ADAM19: variants seen among roughly 807,000 people sequenced by gnomAD.
ADAM19 encodes the protein ADAM metallopeptidase domain 19.
Under a neutral mutation model 114.7 loss-of-function variants are expected in ADAM19, and 65 were observed. That is an observed-to-expected ratio of 0.57 (90% CI 0.46 to 0.70). The LOEUF (loss-of-function observed/expected upper bound fraction) is 0.70. Among genes scored for constraint, ADAM19 ranks in the 30% least tolerant of loss-of-function variants. The probability of loss-of-function intolerance (pLI) is 0.00; values close to 1 mark genes in which losing one functional copy is unlikely to be tolerated. For missense variants in ADAM19, 1,063 were observed against 1,204.7 expected, an observed-to-expected ratio of 0.88 and a Z score of 1.74; for synonymous variants, 466 against 460.5, an observed-to-expected ratio of 1.01 and a Z score of -0.15.
Position 157,479,978 on chromosome 5 carries a change from A to G in ADAM19, c.*971T>C, listed in dbSNP as rs3822585. ...CATATGACCCCAATGGCCATGCCCC[A>G]AGTCTACTCTGGTCACACTCCTGAG... On this transcript the variant is annotated 3_prime_UTR_variant, in exon 23 of 23. Coordinates refer to ENST00000257527, the MANE Select transcript of ADAM19 (RefSeq NM_033274.5). The G allele has an allele frequency of 0.46, 454,812 of 985,522 alleles. 105,780 individuals are homozygous for G. The highest frequency in any genetic ancestry group is 0.73 in the East Asian group (6,450 of 8,786). 61.0% of individuals were successfully genotyped at this position (985,522 alleles called of 1,614,324 possible). A position where few individuals can be genotyped will look rare whatever the true frequency, so the allele number is the denominator to read the frequency against.
At chr5:157,546,429 A>G (rs1255173095) in intron 3 of ADAM19, among the ~76,000 whole-genome samples, 5 of 152,186 alleles carry the variant, frequency 3.3e-5, no homozygotes, top group African/African-American at 1.2e-4. Flanking sequence ...CCATATTCCT[A>G]TCACCATATC....
chr5:157,477,909 GT>G lies in ADAM19; in HGVS notation c.*3039del. On this transcript the variant is annotated 3_prime_UTR_variant, in exon 23 of 23. Transcript: ENST00000257527. ...AAGTCTCAGACCTTAAGATCTGCAA[GT>G]GTCTCAGAGCTGGGGCAGAAAAAGG... is the stretch of plus-strand genomic sequence containing the variant. The G allele has an allele frequency of 2.9e-6, 1 of 349,088 alleles. No homozygotes were observed. The highest frequency in any genetic ancestry group is 5.6e-6 in the Non-Finnish European group (1 of 179,516). 21.6% of individuals were successfully genotyped at this position (349,088 alleles called of 1,614,324 possible).
chr5:157,494,868 A>G (rs1755304914), intron 14 of ADAM19, 73 bp from the exon 15 acceptor site: 3 of 1,219,408 alleles, frequency 2.5e-6, no homozygotes, highest in Non-Finnish European at 3.6e-6. Context: ...ATCTTTGGTA[A>G]AGTCATGAAG....
At chr5:157,540,208 C>T (rs1018037565) in intron 3 of ADAM19, among the ~76,000 whole-genome samples, 5 of 152,164 alleles carry the variant, frequency 3.3e-5, no homozygotes, top group Non-Finnish European at 7.3e-5. Context: ...CAGAAGAACC[C>T]AGAAAGTTTC....
chr5:157,514,826 T>A (rs1197005586), intron 7 of ADAM19, among the ~76,000 whole-genome samples: 2 of 152,178 alleles, frequency 1.3e-5, no homozygotes, highest in African/African-American at 4.8e-5. Context: ...CAACTGCAAA[T>A]TACATTTAAA....
At chr5:157,491,107 C>CT (rs957459384) in intron 18 of ADAM19, among the ~76,000 whole-genome samples, 17 of 150,158 alleles carry the variant, frequency 1.1e-4, no homozygotes, top group African/African-American at 2.2e-4. Flanking sequence ...GATTTTGGTG[C>CT]TTTTTTTTTA....
At chr5:157,483,656 T>C (rs757305216) in intron 21 of ADAM19, among the ~76,000 whole-genome samples, 2 of 148,350 alleles carry the variant, frequency 1.3e-5, no homozygotes, top group Non-Finnish European at 3.0e-5. Flanking sequence ...TTTTTTGAGA[T>C]GGAGTCTTGC....
chr5:157,526,331 A>G (rs1756458510), intron 5 of ADAM19, among the ~76,000 whole-genome samples: 1 of 152,158 alleles, frequency 6.6e-6, no homozygotes, highest in African/African-American at 2.4e-5. Flanking sequence ...TAAAGCTTAC[A>G]CATTCCTGCA....
chr5:157,514,330 CT>C (rs918566617), intron 7 of ADAM19, among the ~76,000 whole-genome samples: 165 of 142,758 alleles, frequency 1.2e-3, no homozygotes, highest in Non-Finnish European at 1.2e-3. Flanking sequence ...ACATTTCTTT[CT>C]TTTTTTTTTT....
intron 5 of ADAM19, among the ~76,000 whole-genome samples, chr5:157,523,393 C>A (rs930516110): frequency 1.3e-5 from 2 of 152,162 alleles, no homozygotes; most frequent in Non-Finnish European, 2.9e-5. Flanking sequence ...TGGAGGTGGG[C>A]CTGGTAGGAG....
At chr5:157,520,173 C>T (rs929017851) in intron 5 of ADAM19, 142 bp from the exon 6 acceptor site, 2 of 745,374 alleles carry the variant, frequency 2.7e-6, no homozygotes, top group Admixed American at 2.9e-5. Context: ...GGCCATGTAC[C>T]CCTTCGTGAG....
chr5:157,572,909 G>T lies in ADAM19; in HGVS notation c.95-1929C>A, dbSNP rs565498675. Among the ~76,000 whole-genome samples the T allele has an allele frequency of 5.3e-5, 8 of 152,242 alleles. No homozygotes were observed. The South Asian group carries it at 8.3e-4, about 16-fold the overall frequency. ...TACTAAAAATATGAAAATTAGCTGG[G>T]TGTGGTGGCGCATGCCTGTAATCCC... On this transcript the variant is annotated intron_variant, in intron 1 of 22. Coordinates refer to ENST00000257527, the MANE Select transcript of ADAM19 (RefSeq NM_033274.5).
intron 5 of ADAM19, among the ~76,000 whole-genome samples, chr5:157,525,944 C>T (rs1348302585): frequency 6.6e-6 from 1 of 152,036 alleles, no homozygotes; most frequent in African/African-American, 2.4e-5. Context: ...TAAGGGTGAT[C>T]CATCAAATAG....
At chr5:157,482,559 C>A (rs1250344502) in intron 21 of ADAM19, among the ~76,000 whole-genome samples, 5 of 152,030 alleles carry the variant, frequency 3.3e-5, no homozygotes, top group Non-Finnish European at 5.9e-5. Flanking sequence ...GTCTTTAATC[C>A]ATCTTGAGTT....
At chr5:157,494,909 G>C in intron 14 of ADAM19, 114 bp from the exon 15 acceptor site, 1 of 741,852 alleles carries the variant, frequency 1.3e-6, no homozygotes, top group Non-Finnish European at 2.2e-6. Flanking sequence ...GGAATACTCA[G>C]CCTCTTCTTC....
chr5:157,540,379 G>A (rs571545949), intron 3 of ADAM19, among the ~76,000 whole-genome samples: 1 of 152,274 alleles, frequency 6.6e-6, no homozygotes, highest in African/African-American at 2.4e-5. Flanking sequence ...TTCATTCCAG[G>A]TGCCAGTGGG....
intron 3 of ADAM19, among the ~76,000 whole-genome samples, chr5:157,543,003 CA>C (rs1289570821): frequency 6.6e-6 from 1 of 152,076 alleles, no homozygotes; most frequent in Non-Finnish European, 1.5e-5. Flanking sequence ...AACAGAAATG[CA>C]AATATTTCCA....
chr5:157,494,948 T>G (rs1755307766), intron 14 of ADAM19, among the ~76,000 whole-genome samples, 153 bp from the exon 15 acceptor site: 1 of 151,930 alleles, frequency 6.6e-6, no homozygotes, highest in South Asian at 2.1e-4. Flanking sequence ...TCCATCCCCA[T>G]ATTCTCAACA....
At chr5:157,490,958 A>G (rs1755134215) in intron 18 of ADAM19, among the ~76,000 whole-genome samples, 1 of 152,040 alleles carries the variant, frequency 6.6e-6, no homozygotes, top group Non-Finnish European at 1.5e-5. Flanking sequence ...TCTCACCCAT[A>G]ATCCATAACT....
Sources: allele counts gnomAD v4.1 joint callset (sites outside exome capture counted in the v4.1 genomes callset), GRCh38; gene constraint gnomAD v4.1.1; transcripts MANE v1.5; gene names NCBI Gene and HGNC (gene_info 2026-07-23, HGNC 2026-07-21).